LYPLAL1: variants seen among roughly 807,000 people sequenced by gnomAD.
LYPLAL1 encodes the protein lysophospholipase-like protein 1.
LYPLAL1 carries 23 observed loss-of-function variants against 19.7 expected under a neutral mutation model. That is an observed-to-expected ratio of 1.17 (90% CI 0.84 to 1.65). LYPLAL1 has a LOEUF of 1.65. LYPLAL1 is among the 40% of genes most tolerant of loss of function. LYPLAL1 has a pLI of 0.00. For synonymous variants in LYPLAL1, 119 were observed against 96.3 expected, an observed-to-expected ratio of 1.24 and a Z score of -1.38; for missense variants, 355 against 279.4, an observed-to-expected ratio of 1.27 and a Z score of -1.93.
At chr1:219,294,425 A>G in the LYPLAL1 span, among the ~76,000 whole-genome samples, 3 of 70,688 alleles carry the variant, frequency 4.2e-5, no homozygotes, top group African/African-American at 1.3e-4. Context: ...TTCATGGAGA[A>G]CACAGAGCAA....
chr1:219,416,716 G>A, the LYPLAL1 span, among the ~76,000 whole-genome samples: 1 of 152,202 alleles, frequency 6.6e-6, no homozygotes, highest in African/African-American at 2.4e-5. Context: ...TAACTTCCAG[G>A]TCATTGCCAT....
At chr1:219,247,006 T>C in the LYPLAL1 span, among the ~76,000 whole-genome samples, 2 of 152,338 alleles carry the variant, frequency 1.3e-5, no homozygotes, top group East Asian at 3.9e-4. Flanking sequence ...ATACACCTTC[T>C]TCCCTGTATC....
the LYPLAL1 span, among the ~76,000 whole-genome samples, chr1:219,232,842 G>A: frequency 1.6e-4 from 24 of 149,618 alleles, no homozygotes; most frequent in Admixed American, 1.2e-3. Context: ...ATCACTGCCC[G>A]TCTGATAGGA....
the LYPLAL1 span, among the ~76,000 whole-genome samples, chr1:219,316,180 T>C: frequency 1.3e-5 from 2 of 152,202 alleles, no homozygotes; most frequent in African/African-American, 4.8e-5. Context: ...TTGTTAAATG[T>C]TTTTTCTGCA....
At chr1:219,385,012 T>C in the LYPLAL1 span, among the ~76,000 whole-genome samples, 1 of 152,204 alleles carries the variant, frequency 6.6e-6, no homozygotes, top group African/African-American at 2.4e-5. Flanking sequence ...ACTATATGAC[T>C]TGACTATTGG....
chr1:219,296,435 C>A, the LYPLAL1 span, among the ~76,000 whole-genome samples: 1 of 152,132 alleles, frequency 6.6e-6, no homozygotes, highest in African/African-American at 2.4e-5. Context: ...AGGTGAGTAC[C>A]TCTGTGAACA....
At chr1:219,265,048 G>A in the LYPLAL1 span, among the ~76,000 whole-genome samples, 1 of 152,144 alleles carries the variant, frequency 6.6e-6, no homozygotes, top group African/African-American at 2.4e-5. Flanking sequence ...AAGATTAAAA[G>A]TTTACATTCA....
At chr1:219,379,102 C>T in the LYPLAL1 span, among the ~76,000 whole-genome samples, 4 of 152,010 alleles carry the variant, frequency 2.6e-5, no homozygotes, top group Non-Finnish European at 4.4e-5. Context: ...TAAGTTTAAC[C>T]GTAATATTTG....
Position 219,193,082 on chromosome 1 carries a change from A to G in LYPLAL1, c.192A>G (p.Arg64=), listed in dbSNP as rs1657317594. The change falls in exon 3 of 5, where the codon AGA becomes AGG. Residue 64 remains arginine, a splice_region_variant and synonymous_variant. Transcript: ENST00000366928. The part of the protein sequence containing the change: ...IKIIYPTAPP[R]SYTPMKGGIS... ...TTGGGGGGGGGCGGTTGTTAAACAG[A>G]TCATATACTCCTATGAAAGGAGGAA... 6.3e-7 allele frequency: 1 copy of G among 1,590,958 alleles called. No homozygotes were observed. Among genetic ancestry groups the G allele is most frequent in the South Asian group, 1.1e-5 (1 of 89,672 alleles).
At chr1:219,298,075 T>G in the LYPLAL1 span, among the ~76,000 whole-genome samples, 1 of 152,254 alleles carries the variant, frequency 6.6e-6, no homozygotes. Context: ...TTTGGGAGGC[T>G]AAGTGGGGTG....
the LYPLAL1 span, chr1:219,273,419 C>T: frequency 6.6e-5 from 10 of 152,148 alleles, no homozygotes; most frequent in Admixed American, 5.9e-4. Flanking sequence ...TCCTAAATCT[C>T]TGAATAAATA....
At chr1:219,229,972 C>T in the LYPLAL1 span, among the ~76,000 whole-genome samples, 1 of 152,090 alleles carries the variant, frequency 6.6e-6, no homozygotes, top group African/African-American at 2.4e-5. Context: ...ATCTGTAGGG[C>T]AATGTATTAT....
the LYPLAL1 span, among the ~76,000 whole-genome samples, chr1:219,228,393 A>G: frequency 2.0e-5 from 3 of 152,150 alleles, no homozygotes; most frequent in African/African-American, 7.2e-5. Context: ...AGAAAAAAAA[A>G]GTTGGAAAGT....
the LYPLAL1 span, among the ~76,000 whole-genome samples, chr1:219,314,025 G>A: frequency 1.3e-5 from 2 of 152,044 alleles, no homozygotes; most frequent in Admixed American, 1.3e-4. Context: ...TCCCTTCTTT[G>A]TGTCCATATG....
At chr1:219,273,124 C>T in the LYPLAL1 span, 1 of 152,040 alleles carries the variant, frequency 6.6e-6, no homozygotes, top group Non-Finnish European at 1.5e-5. Flanking sequence ...TATTTAATAC[C>T]ATATGTTAAG....
the LYPLAL1 span, among the ~76,000 whole-genome samples, chr1:219,263,622 G>A: frequency 1.3e-5 from 2 of 152,082 alleles, no homozygotes; most frequent in African/African-American, 2.4e-5. Context: ...ACTTCTGATG[G>A]CTACCTTCTC....
At chr1:219,314,716 G>C in the LYPLAL1 span, among the ~76,000 whole-genome samples, 2 of 152,252 alleles carry the variant, frequency 1.3e-5, no homozygotes, top group Non-Finnish European at 2.9e-5. Flanking sequence ...ACAGGCATGA[G>C]CCACTGCGCC....
chr1:219,362,042 A>C, the LYPLAL1 span, among the ~76,000 whole-genome samples: 1 of 152,214 alleles, frequency 6.6e-6, no homozygotes, highest in Non-Finnish European at 1.5e-5. Flanking sequence ...TCCTCTTGAA[A>C]GTTCTCTCTC....
chr1:219,412,304 G>A, the LYPLAL1 span, among the ~76,000 whole-genome samples: 1 of 152,132 alleles, frequency 6.6e-6, no homozygotes. Flanking sequence ...TGAGATTACA[G>A]GTATGAGCCA....
Sources: gnomAD v4.1 joint callset for allele counts (sites outside exome capture counted in the v4.1 genomes callset) on GRCh38, gnomAD v4.1.1 for gene constraint, MANE v1.5 for transcripts, NCBI Gene and HGNC (gene_info 2026-07-23, HGNC 2026-07-21) for gene names.